The following RBM19 variants were observed in gnomAD, a reference collection of about 807,000 sequenced individuals.
RBM19 encodes the protein RNA binding motif protein 19.
Under a neutral mutation model 116.8 loss-of-function variants are expected in RBM19, and 94 were observed. The observed-to-expected ratio is 0.80, with a 90% CI of 0.68 to 0.95. The LOEUF (loss-of-function observed/expected upper bound fraction) is 0.95, where lower values mean the gene tolerates loss of function less well. Ranked by LOEUF, RBM19 falls within the 40% of genes least tolerant of loss-of-function variation. RBM19 has a pLI of 0.00. For missense variants in RBM19, 1,161 were observed against 1,220.7 expected (o/e 0.95, Z 0.73); for synonymous variants, 475 against 494.1 (o/e 0.96, Z 0.51).
intron 2 of RBM19, among the ~76,000 whole-genome samples, chr12:113,960,527 T>C (rs182625632): frequency 3.5e-4 from 54 of 152,208 alleles, no homozygotes; most frequent in Non-Finnish European, 6.3e-4. Flanking sequence ...GATCAAGAAA[T>C]TGGAGCATCA....
At chr12:113,952,464 T>C in intron 8 of RBM19, 48 bp downstream of exon 8, 1 of 1,521,934 alleles carries the variant, frequency 6.6e-7, no homozygotes, top group Non-Finnish European at 9.1e-7. Flanking sequence ...CAACCTTCAA[T>C]CTTCACTGTC....
At chr12:113,819,936 T>C (rs914741176), downstream of RBM19, among the ~76,000 whole-genome samples, 2 of 152,058 alleles carry the variant, frequency 1.3e-5, no homozygotes, top group African/African-American at 4.8e-5. Flanking sequence ...CTAGTTCCCG[T>C]TTAAAACAGT....
intron 23 of RBM19, among the ~76,000 whole-genome samples, chr12:113,829,686 T>C (rs116780749): frequency 0.017 from 2,589 of 152,298 alleles, 82 homozygotes; most frequent in African/African-American, 0.06. Flanking sequence ...CAGCCTTCTC[T>C]GAGTTACCAA....
At chr12:113,840,980 C>T (rs958074901) in intron 23 of RBM19, among the ~76,000 whole-genome samples, 3 of 152,218 alleles carry the variant, frequency 2.0e-5, no homozygotes, top group Non-Finnish European at 2.9e-5. Flanking sequence ...GGGGCCTTGG[C>T]CCATCTCCCG....
Position 113,823,615 on chromosome 12 carries a change from C to T in RBM19, c.2786-294G>A, listed in dbSNP as rs971141233. 2.0e-5 allele frequency among the ~76,000 whole-genome samples: 3 copies of T among 152,096 alleles called. No individual in the cohort carries two copies. In the South Asian group the frequency reaches 6.2e-4, roughly 32 times the overall value. ...GAAACACTAGAGTTAGTCTCAGCAT[C>T]ACCATGGCGGGGCTGCCTCCCTCGC... On this transcript the variant is annotated intron_variant, in intron 23 of 23. Coordinates refer to ENST00000261741, the MANE Select transcript of RBM19 (RefSeq NM_016196.4).
At chr12:113,842,404 A>G (rs1218545181) in intron 23 of RBM19, among the ~76,000 whole-genome samples, 2 of 152,242 alleles carry the variant, frequency 1.3e-5, no homozygotes, top group African/African-American at 4.8e-5. Context: ...CGATAAGGAC[A>G]GGCTCTCTTT....
In RBM19 at chr12:113,924,237, T is replaced by C. The variant is rs1868855671; in HGVS notation, c.2305+460A>G. Among the ~76,000 whole-genome samples, 2 of 152,174 alleles carry C rather than the reference T, an allele frequency of 1.3e-5. 1 individual carries two copies. The highest frequency in any genetic ancestry group is 4.1e-4 in the South Asian group (2 of 4,824). ...GACTCAGGAAAATCTGTGTGGTTAA[T>C]GACTCGGTAGAACGTTCCAGAAGTT... is the stretch of plus-strand genomic sequence containing the variant. On this transcript the variant is annotated intron_variant, in intron 18 of 23. Coordinates refer to ENST00000261741, the MANE Select transcript of RBM19 (RefSeq NM_016196.4).
chr12:113,951,610 G>A (rs922217695), intron 8 of RBM19, among the ~76,000 whole-genome samples: 1 of 151,554 alleles, frequency 6.6e-6, no homozygotes, highest in African/African-American at 2.4e-5. Context: ...GCTCCTACCT[G>A]AGATCTGCAC....
rs778275816 is a variant in RBM19, at chr12:113,858,849, C to T, written c.2606G>A (p.Gly869Glu). 6.2e-7 allele frequency: 1 copy of T among 1,614,010 alleles called. No individual in the cohort carries two copies. The highest frequency in any genetic ancestry group is 1.3e-5 in the African/African-American group (1 of 74,910). Residue 869 changes from glycine (G) to glutamate (E), a missense_variant, in exon 22 of 24, where the codon GGG becomes GAG. By Grantham distance (98) the Gly-to-Glu change is moderately conservative. Transcript: ENST00000261741. ...KTVRLPKKMT[G>E]TGTHRGFGFV... ...GCCGAAGCCTCTGTGTGTGCCTGTC[C>T]CAGTCATCTTCTTTGGCAGGCGGAC...
Position 113,861,513 on chromosome 12 carries a change from T to TGTGTGTGTGA in RBM19, c.2559-2618_2559-2617insTCACACACAC, listed in dbSNP as rs1320114571. ...GTGTGTGTGTGTGTGTGTGTGTGTG[T>TGTGTGTGTGA]GAAGGAGAGAAGGGGTCGGGGGGTG... On this transcript the variant is annotated intron_variant, in intron 21 of 23. Transcript: ENST00000261741. 6.3e-5 allele frequency among the ~76,000 whole-genome samples: 9 copies of TGTGTGTGTGA among 143,880 alleles called. No individual in the cohort carries two copies. In the East Asian group the frequency reaches 1.8e-3, roughly 29 times the overall value. The allele number at this position is 143,880 out of a possible 152,430, so 94.4% of individuals were successfully genotyped here. A position where few individuals can be genotyped will look rare whatever the true frequency, so the allele number is the denominator to read the frequency against.
At chr12:113,850,093 G>C (rs1472747091) in intron 22 of RBM19, among the ~76,000 whole-genome samples, 1 of 152,200 alleles carries the variant, frequency 6.6e-6, no homozygotes, top group Non-Finnish European at 1.5e-5. Flanking sequence ...AGTTCTGGGG[G>C]CTTCGCCATC....
chr12:113,882,564 GAA>G (rs1431221347), intron 21 of RBM19, among the ~76,000 whole-genome samples: 1 of 152,274 alleles, frequency 6.6e-6, no homozygotes, highest in Non-Finnish European at 1.5e-5. Flanking sequence ...GCTCAGTACT[GAA>G]AAGAGCCAGA....
intron 21 of RBM19, among the ~76,000 whole-genome samples, chr12:113,907,948 G>C (rs1882178875): frequency 6.6e-6 from 1 of 152,178 alleles, no homozygotes; most frequent in South Asian, 2.1e-4. Context: ...AGTGGTCAGT[G>C]GCTGTGATGC....
intron 20 of RBM19, among the ~76,000 whole-genome samples, chr12:113,917,541 C>G (rs1049252761): frequency 3.3e-5 from 5 of 152,174 alleles, no homozygotes; most frequent in Admixed American, 1.3e-4. Flanking sequence ...AACACCAGAG[C>G]TGGCCCAAGC....
chr12:113,849,476 G>A (rs1250533605), intron 22 of RBM19, among the ~76,000 whole-genome samples: 1 of 152,370 alleles, frequency 6.6e-6, no homozygotes, highest in South Asian at 2.1e-4. Context: ...CAAACGCAAC[G>A]GGGATAGGAG....
rs757641377 is a variant in RBM19, at chr12:113,928,624, G to GGTGTGT, written c.2069-1396_2069-1395insACACAC. ...GATGTGAAGTTGTGAGTTAGCAAGG[G>GGTGTGT]ATGTGTGTGTGTGTGTGTGTGTGTG... On this transcript the variant is annotated intron_variant, in intron 16 of 23. Transcript: ENST00000261741. 6.4e-3 allele frequency among the ~76,000 whole-genome samples: 348 copies of GGTGTGT among 54,294 alleles called. 5 individuals are homozygous for GGTGTGT. Among genetic ancestry groups the GGTGTGT allele is most frequent in the African/African-American group, 0.024 (316 of 13,278 alleles). 35.6% of individuals were successfully genotyped at this position (54,294 alleles called of 152,430 possible). A position where few individuals can be genotyped will look rare whatever the true frequency, so the allele number is the denominator to read the frequency against.
chr12:113,911,080 ACTTC>A (rs1262536299), intron 21 of RBM19, among the ~76,000 whole-genome samples: 2 of 151,876 alleles, frequency 1.3e-5, no homozygotes, highest in Non-Finnish European at 2.9e-5. Context: ...CCCAGTCTCC[ACTTC>A]CTTCCTTCCT....
intron 23 of RBM19, among the ~76,000 whole-genome samples, chr12:113,826,388 C>G (rs1490974769): frequency 6.6e-6 from 1 of 152,194 alleles, no homozygotes; most frequent in Non-Finnish European, 1.5e-5. Flanking sequence ...AGTAGATGCT[C>G]AATAAATGTG....
At chr12:113,864,711 G>A (rs1878676799) in intron 21 of RBM19, among the ~76,000 whole-genome samples, 2 of 152,140 alleles carry the variant, frequency 1.3e-5, no homozygotes, top group South Asian at 4.1e-4. Flanking sequence ...GGAGGCTTGG[G>A]AACAGAACTA....
Sources: allele counts gnomAD v4.1 joint callset (sites outside exome capture counted in the v4.1 genomes callset), GRCh38; gene constraint gnomAD v4.1.1; transcripts MANE v1.5; gene names NCBI Gene and HGNC (gene_info 2026-07-23, HGNC 2026-07-21).